The following PDE1C variants were observed in gnomAD, a reference collection of about 807,000 sequenced individuals.
PDE1C encodes the protein phosphodiesterase 1C.
Under a neutral mutation model 93.1 loss-of-function variants are expected in PDE1C, and 62 were observed. The ratio of observed to expected loss-of-function variants is 0.67; its 90% CI spans 0.54 to 0.82. The LOEUF is 0.82. Ranked by LOEUF, PDE1C falls within the 40% of genes least tolerant of loss-of-function variation. PDE1C has a pLI of 0.00. For missense variants in PDE1C, 742 were observed against 884.6 expected, an observed-to-expected ratio of 0.84 and a Z score of 2.04; for synonymous variants, 325 against 310.1, an observed-to-expected ratio of 1.05 and a Z score of -0.50.
At chr7:32,162,774 C>G (rs373463473) in intron 3 of PDE1C, among the ~76,000 whole-genome samples, 1 of 152,026 alleles carries the variant, frequency 6.6e-6, no homozygotes, top group African/African-American at 2.4e-5. Flanking sequence ...GGAGGCCATG[C>G]GTCAAGTTCA....
chr7:31,848,672 G>A (rs1792932425), intron 8 of PDE1C, among the ~76,000 whole-genome samples: 1 of 152,094 alleles, frequency 6.6e-6, no homozygotes, highest in African/African-American at 2.4e-5. Context: ...ATAGCTGAAT[G>A]TCACTAAACA....
At chr7:31,799,091 G>A (rs2128683847) in intron 16 of PDE1C, among the ~76,000 whole-genome samples, 1 of 151,760 alleles carries the variant, frequency 6.6e-6, no homozygotes, top group Non-Finnish European at 1.5e-5. Flanking sequence ...TGCCCTCAGG[G>A]TCCGTATAAC....
chr7:32,370,190 C>G (rs1433219463), intron 1 of PDE1C, among the ~76,000 whole-genome samples: 1 of 152,190 alleles, frequency 6.6e-6, no homozygotes, highest in Non-Finnish European at 1.5e-5. Context: ...TGGCTCACGC[C>G]TGTAATCCCA....
chr7:32,267,459 C>G (rs1403118996), intron 1 of PDE1C, among the ~76,000 whole-genome samples: 1 of 152,250 alleles, frequency 6.6e-6, no homozygotes, highest in East Asian at 1.9e-4. Context: ...AAAGTGGAGT[C>G]AGGTAGAAGG....
the PDE1C span, among the ~76,000 whole-genome samples, chr7:31,736,332 C>A: frequency 6.6e-6 from 1 of 152,150 alleles, no homozygotes; most frequent in Admixed American, 6.5e-5. Context: ...AAGGGCAGCC[C>A]GAATAATCCT....
At chr7:32,106,404 C>T (rs1218029347) in intron 3 of PDE1C, among the ~76,000 whole-genome samples, 1 of 151,876 alleles carries the variant, frequency 6.6e-6, no homozygotes, top group Non-Finnish European at 1.5e-5. Flanking sequence ...CGCCAGACAT[C>T]TGACAAAAAA....
At chr7:31,872,916 G>C (rs906766608) in intron 6 of PDE1C, among the ~76,000 whole-genome samples, 2 of 152,162 alleles carry the variant, frequency 1.3e-5, no homozygotes, top group African/African-American at 4.8e-5. Flanking sequence ...AGAGACAGCA[G>C]ATGTTCACTC....
the PDE1C span, among the ~76,000 whole-genome samples, chr7:31,691,810 A>C: frequency 6.6e-6 from 1 of 150,998 alleles, no homozygotes; most frequent in African/African-American, 2.4e-5. Context: ...AAAAAAAAAA[A>C]AAAAAAAAAA....
At chr7:31,801,241 G>C (rs1785987606) in intron 16 of PDE1C, among the ~76,000 whole-genome samples, 1 of 151,104 alleles carries the variant, frequency 6.6e-6, no homozygotes, top group African/African-American at 2.4e-5. Context: ...CAGGGAAAAA[G>C]AGAGAAAACA....
At chr7:32,092,252 T>C (rs1797514009) in intron 3 of PDE1C, among the ~76,000 whole-genome samples, 1 of 152,228 alleles carries the variant, frequency 6.6e-6, no homozygotes, top group Non-Finnish European at 1.5e-5. Flanking sequence ...TGTTTTTCAC[T>C]GGATTTGAGT....
chr7:32,386,216 A>C (rs555266798), intron 1 of PDE1C, among the ~76,000 whole-genome samples: 2 of 135,676 alleles, frequency 1.5e-5, no homozygotes, highest in African/African-American at 5.6e-5. Context: ...CCAAAGAAAA[A>C]TATATGCACT....
the PDE1C span, among the ~76,000 whole-genome samples, chr7:31,697,628 C>T: frequency 1.4e-5 from 2 of 147,068 alleles, no homozygotes; most frequent in African/African-American, 5.5e-5. Context: ...CTGTGAGATA[C>T]AGTCCTTGTC....
chr7:31,924,952 A>G (rs1277188777), intron 2 of PDE1C, among the ~76,000 whole-genome samples: 1 of 152,148 alleles, frequency 6.6e-6, no homozygotes, highest in Non-Finnish European at 1.5e-5. Context: ...GCTCAATCTC[A>G]AATATATGGC....
intron 1 of PDE1C, among the ~76,000 whole-genome samples, chr7:32,340,143 G>C (rs2128079653): frequency 6.6e-6 from 1 of 152,272 alleles, no homozygotes; most frequent in East Asian, 1.9e-4. Context: ...TTAAATATGT[G>C]AGTTGGAACT....
chr7:32,112,088 A>G (rs962721199), intron 3 of PDE1C, among the ~76,000 whole-genome samples: 1 of 152,198 alleles, frequency 6.6e-6, no homozygotes, highest in African/African-American at 2.4e-5. Flanking sequence ...ACTGAGAATC[A>G]TAAGGGAATC....
intron 6 of PDE1C, among the ~76,000 whole-genome samples, chr7:31,871,123 C>G (rs1377145586): frequency 6.6e-6 from 1 of 151,758 alleles, no homozygotes. Flanking sequence ...CAAAAACTTA[C>G]AGAAAGGACC....
chr7:31,777,461 T>C (rs979133002), intron 16 of PDE1C, among the ~76,000 whole-genome samples: 2 of 152,140 alleles, frequency 1.3e-5, no homozygotes, highest in Non-Finnish European at 2.9e-5. Context: ...CCTGAGTAGC[T>C]GAGACTACAG....
At chr7:32,149,648 A>T (rs1306582445) in intron 3 of PDE1C, among the ~76,000 whole-genome samples, 1 of 152,192 alleles carries the variant, frequency 6.6e-6, no homozygotes, top group African/African-American at 2.4e-5. Flanking sequence ...AACATGGGAG[A>T]AATGTTGGGC....
chr7:31,890,901 A>G (rs1366116978), intron 2 of PDE1C, among the ~76,000 whole-genome samples: 1 of 152,172 alleles, frequency 6.6e-6, no homozygotes, highest in African/African-American at 2.4e-5. Flanking sequence ...AAGACAGTGC[A>G]TCTTCTTGGT....
Sources: allele counts gnomAD v4.1 joint callset (sites outside exome capture counted in the v4.1 genomes callset), GRCh38; gene constraint gnomAD v4.1.1; transcripts MANE v1.5; gene names NCBI Gene and HGNC (gene_info 2026-07-23, HGNC 2026-07-21).